The following FOXP2 variants were observed in gnomAD, a reference collection of about 807,000 sequenced individuals.
FOXP2 encodes the protein forkhead box protein P2.
In FOXP2, 12 loss-of-function variants were observed where a neutral mutation model predicts 115.8. That is an observed-to-expected ratio of 0.10 (90% CI 0.07 to 0.17). FOXP2 has a LOEUF of 0.17. FOXP2 is among the 10% of genes least tolerant of loss of function. FOXP2 has a pLI of 1.00. For synonymous variants in FOXP2, 328 were observed against 297.7 expected (o/e 1.10, Z -1.05); for missense variants, 629 against 843.5 (o/e 0.75, Z 3.15).
rs536767224 is a variant in FOXP2 at position 114,513,786 on chromosome 7, C to T, written c.169-20831C>T. 5.9e-5 allele frequency among the ~76,000 whole-genome samples: 9 copies of T among 152,142 alleles called. No homozygotes were observed. The South Asian group carries it at 1.7e-3, about 28-fold the overall frequency. On this transcript the variant is annotated intron_variant, in intron 2 of 16. Coordinates refer to ENST00000350908, the MANE Select transcript of FOXP2 (RefSeq NM_014491.4). ...GCTAAAAAGTCCTAATTTTTAGAAT[C>T]TTGCATAATATAATTTTCTAATTTA...
At chr7:114,235,775 C>T (rs1003354530) in intron 1 of FOXP2, among the ~76,000 whole-genome samples, 2 of 152,146 alleles carry the variant, frequency 1.3e-5, no homozygotes, top group Non-Finnish European at 2.9e-5. Context: ...GGGACTCTTA[C>T]CTCATTATCA....
intron 2 of FOXP2, among the ~76,000 whole-genome samples, chr7:114,328,478 C>T (rs1172116948): frequency 1.3e-5 from 2 of 151,836 alleles, no homozygotes; most frequent in Admixed American, 6.6e-5. Context: ...CCTCGTGATC[C>T]GCCTGCCTCG....
intron 1 of FOXP2, among the ~76,000 whole-genome samples, chr7:114,133,200 C>CT (rs1791939463): frequency 6.6e-6 from 1 of 152,064 alleles, no homozygotes; most frequent in Non-Finnish European, 1.5e-5. Flanking sequence ...GTAAGGAGGA[C>CT]TTAGGGGTTT....
chr7:114,458,605 T>C (rs571115098), intron 2 of FOXP2, among the ~76,000 whole-genome samples: 1 of 145,786 alleles, frequency 6.9e-6, no homozygotes, highest in African/African-American at 2.5e-5. Flanking sequence ...TGGAGTGCAG[T>C]GGTGCAATGA....
In FOXP2 at chr7:114,691,979, G is replaced by T. The variant is rs1395335288; in HGVS notation, c.*2053G>T. ...AAAGAAAAACATTAGAACAATTATG[G>T]CAGATTGCATGAAACGTGAGAACGT... On this transcript the variant is annotated 3_prime_UTR_variant, in exon 17 of 17. Transcript: ENST00000350908. 3 of 437,386 alleles carry T rather than the reference G, an allele frequency of 6.9e-6. No homozygotes were observed. The highest frequency in any genetic ancestry group is 5.2e-5 in the Admixed American group (2 of 38,342). 27.1% of individuals were successfully genotyped at this position (437,386 alleles called of 1,614,324 possible). A position where few individuals can be genotyped will look rare whatever the true frequency, so the allele number is the denominator to read the frequency against.
chr7:114,671,483 T>C (rs1807481343), intron 16 of FOXP2, among the ~76,000 whole-genome samples: 1 of 152,198 alleles, frequency 6.6e-6, no homozygotes, highest in Non-Finnish European at 1.5e-5. Flanking sequence ...CAGAAAACTT[T>C]TAGCTGACAG....
chr7:114,250,839 T>G (rs1260564071), intron 1 of FOXP2, among the ~76,000 whole-genome samples: 1 of 152,232 alleles, frequency 6.6e-6, no homozygotes, highest in Non-Finnish European at 1.5e-5. Context: ...TTGTTGCCAT[T>G]GCTTTTGGTG....
intron 2 of FOXP2, among the ~76,000 whole-genome samples, chr7:114,478,785 C>T (rs1269501095): frequency 1.3e-5 from 2 of 151,686 alleles, no homozygotes; most frequent in East Asian, 3.9e-4. Flanking sequence ...AATGAACTAA[C>T]ACAACACCAC....
At chr7:114,286,230 A>G (rs1796463823) in intron 1 of FOXP2, among the ~76,000 whole-genome samples, 1 of 151,962 alleles carries the variant, frequency 6.6e-6, no homozygotes, top group African/African-American at 2.4e-5. Context: ...ATATATATGT[A>G]TATATGAACT....
chr7:114,356,683 A>G (rs1219369482), intron 2 of FOXP2, among the ~76,000 whole-genome samples: 1 of 152,188 alleles, frequency 6.6e-6, no homozygotes, highest in African/African-American at 2.4e-5. Context: ...GTAGTAGAGG[A>G]ACATTTTTAT....
At chr7:114,169,838 A>T (rs1584520709) in intron 1 of FOXP2, among the ~76,000 whole-genome samples, 2 of 152,298 alleles carry the variant, frequency 1.3e-5, no homozygotes, top group Admixed American at 1.3e-4. Context: ...TGTTCTCATG[A>T]TAGTGAATAA....
intron 3 of FOXP2, among the ~76,000 whole-genome samples, chr7:114,579,225 T>C (rs1223716710): frequency 6.6e-6 from 1 of 152,174 alleles, no homozygotes; most frequent in African/African-American, 2.4e-5. Context: ...GACAATACTT[T>C]TAAGTCTGAT....
At chr7:114,357,424 T>C (rs1791642630) in intron 2 of FOXP2, among the ~76,000 whole-genome samples, 1 of 152,176 alleles carries the variant, frequency 6.6e-6, no homozygotes, top group Non-Finnish European at 1.5e-5. Context: ...ATTTGCTTTA[T>C]TGGTTCAATG....
chr7:114,433,709 T>C (rs1260576267), intron 2 of FOXP2, among the ~76,000 whole-genome samples: 1 of 151,982 alleles, frequency 6.6e-6, no homozygotes, highest in African/African-American at 2.4e-5. Flanking sequence ...AAAATACATA[T>C]GTGCTTTGAC....
intron 2 of FOXP2, among the ~76,000 whole-genome samples, chr7:114,315,396 A>C (rs1355485768): frequency 6.6e-6 from 1 of 152,166 alleles, no homozygotes; most frequent in Non-Finnish European, 1.5e-5. Flanking sequence ...ATTTAGACTT[A>C]TCAGGCTCCT....
chr7:114,240,904 A>G (rs1028609398), intron 1 of FOXP2, among the ~76,000 whole-genome samples: 2 of 152,052 alleles, frequency 1.3e-5, no homozygotes, highest in African/African-American at 4.8e-5. Flanking sequence ...TTCTACATTT[A>G]ATATTTAAGA....
chr7:114,209,474 C>T (rs1247205536), intron 1 of FOXP2, among the ~76,000 whole-genome samples: 1 of 152,046 alleles, frequency 6.6e-6, no homozygotes, highest in African/African-American at 2.4e-5. Context: ...GAATATTGGC[C>T]CCTAATGTCT....
intron 3 of FOXP2, among the ~76,000 whole-genome samples, chr7:114,588,601 A>T (rs1802273284): frequency 6.6e-6 from 1 of 152,134 alleles, no homozygotes; most frequent in Non-Finnish European, 1.5e-5. Context: ...TCAACAATAA[A>T]CAAGTGTATG....
chr7:114,099,295 G>A (rs1799722621), intron 1 of FOXP2, among the ~76,000 whole-genome samples: 1 of 152,118 alleles, frequency 6.6e-6, no homozygotes, highest in Non-Finnish European at 1.5e-5. Context: ...TAAATTATCA[G>A]GGAAATGCAA....
Sources: gnomAD v4.1 joint callset for allele counts (sites outside exome capture counted in the v4.1 genomes callset) on GRCh38, gnomAD v4.1.1 for gene constraint, MANE v1.5 for transcripts, NCBI Gene and HGNC (gene_info 2026-07-23, HGNC 2026-07-21) for gene names.